The following VAV2 variants were observed in gnomAD, a reference collection of about 807,000 sequenced individuals.
VAV2 encodes the protein guanine nucleotide exchange factor VAV2.
In VAV2, 67 loss-of-function variants were observed where a neutral mutation model predicts 132.5. The observed-to-expected ratio is 0.51, with a 90% CI of 0.42 to 0.62. The LOEUF (loss-of-function observed/expected upper bound fraction) is 0.62. Among genes scored for constraint, VAV2 ranks in the 20% least tolerant of loss-of-function variants. VAV2 has a pLI of 0.00. For synonymous variants in VAV2, 492 were observed against 443.5 expected (o/e 1.11, Z -1.37); for missense variants, 938 against 1,153.6 (o/e 0.81, Z 2.71).
At chr9:133,861,178 G>T in intron 3 of VAV2, 196 bp downstream of exon 3, 2 of 512,626 alleles carry the variant, frequency 3.9e-6, no homozygotes, top group Admixed American at 3.9e-5. Flanking sequence ...AGATTTCCCC[G>T]GTGTGAGCTG....
At position 133,991,517 on chromosome 9, in the gene VAV2, G is replaced by C. The variant is rs1330778934; in HGVS notation, c.204+558C>G. ...CTGGCGCCAAGTGGCCCGGGTCCGG[G>C]TCCGGGAAGAGGCGGAGGCCGGCGA... On this transcript the variant is annotated intron_variant, in intron 1 of 29. Coordinates refer to ENST00000371850, the MANE Select transcript of VAV2 (RefSeq NM_001134398.2). The surrounding 1 kb of genome is among the most constrained non-coding windows in gnomAD (Gnocchi z 4.8). Among the ~76,000 whole-genome samples the C allele has an allele frequency of 2.0e-5, 3 of 151,814 alleles. No individual in the cohort carries two copies. The highest frequency in any genetic ancestry group is 4.4e-5 in the Non-Finnish European group (3 of 67,874).
At chr9:133,797,912 C>A in intron 9 of VAV2, 103 bp from the exon 10 acceptor site, 3 of 959,426 alleles carry the variant, frequency 3.1e-6, no homozygotes, top group Non-Finnish European at 4.6e-6. Flanking sequence ...GGTGCGCAAC[C>A]AACAGGCCCC....
chr9:133,986,993 T>C (rs1436751641), intron 1 of VAV2, among the ~76,000 whole-genome samples: 5 of 150,216 alleles, frequency 3.3e-5, no homozygotes, highest in Non-Finnish European at 5.9e-5. Context: ...CAGGGTTTTA[T>C]TATTATTATA....
chr9:133,918,771 T>G lies in VAV2; in HGVS notation c.321+20332A>C, dbSNP rs144201763. On this transcript the variant is annotated intron_variant, in intron 2 of 29. Coordinates refer to ENST00000371850, the MANE Select transcript of VAV2 (RefSeq NM_001134398.2). The surrounding 1 kb of genome is among the most constrained non-coding windows in gnomAD (Gnocchi z 4.7). Reference sequence around the variant, plus strand: ...GCAGCCGCCATGTGTGTGTGTGTGTTTGTTTGTTTGTTTGTTTGTTTTGAG... The same window carrying G: ...GCAGCCGCCATGTGTGTGTGTGTGTGTGTTTGTTTGTTTGTTTGTTTTGAG... Among the ~76,000 whole-genome samples, 35 of 144,814 alleles carry G rather than the reference T, an allele frequency of 2.4e-4. No homozygotes were observed. In the East Asian group the frequency reaches 2.6e-3, roughly 11 times the overall value.
chr9:133,838,945 GGGGTGGGTGGGTAGGT>G (rs1836601331), intron 3 of VAV2, among the ~76,000 whole-genome samples: 1 of 131,426 alleles, frequency 7.6e-6, no homozygotes, highest in South Asian at 2.7e-4. Context: ...ATGGATGGAT[GGGGTGGGTGGGTAGGT>G]GGGTGGGTGG....
chr9:133,816,517 A>G (rs1368287308), intron 4 of VAV2, among the ~76,000 whole-genome samples: 2 of 152,204 alleles, frequency 1.3e-5, no homozygotes, highest in African/African-American at 4.8e-5. Flanking sequence ...ATGAAGTAGC[A>G]GGGTTCACTT....
At chr9:133,953,313 C>A (rs952895280) in intron 1 of VAV2, among the ~76,000 whole-genome samples, 28 of 152,218 alleles carry the variant, frequency 1.8e-4, no homozygotes, top group African/African-American at 5.5e-4. Flanking sequence ...CCCCCCAAGC[C>A]CACCACAACA....
intron 1 of VAV2, among the ~76,000 whole-genome samples, chr9:133,979,364 T>G (rs919491923): frequency 5.3e-5 from 8 of 152,088 alleles, no homozygotes; most frequent in African/African-American, 1.4e-4. Context: ...CTCAACGCTG[T>G]GTGTGCGGTC....
chr9:133,828,911 C>A (rs1376158237), intron 4 of VAV2, among the ~76,000 whole-genome samples: 2 of 152,236 alleles, frequency 1.3e-5, no homozygotes, highest in African/African-American at 2.4e-5. Context: ...GGTGCTGAGG[C>A]CCAGCTGTCA....
chr9:133,822,905 T>A (rs2131737373), intron 4 of VAV2, among the ~76,000 whole-genome samples: 1 of 152,318 alleles, frequency 6.6e-6, no homozygotes, highest in Admixed American at 6.5e-5. Context: ...TGAGGCATGC[T>A]GTGTGACCTC....
chr9:133,787,148 C>G lies in VAV2; in HGVS notation c.1422+98G>C. The G allele has an allele frequency of 4.5e-6, 6 of 1,340,602 alleles. No homozygotes were observed. The South Asian group carries it at 6.1e-5, about 14-fold the overall frequency. 83.0% of individuals were successfully genotyped at this position (1,340,602 alleles called of 1,614,324 possible). A position where few individuals can be genotyped will look rare whatever the true frequency, so the allele number is the denominator to read the frequency against. The stretch of plus-strand genomic sequence containing the variant: ...AGGACCAAGAAAACCCTGAGCCCAG[C>G]CCCTCAGGCCCCTGGGTCCCCTGGC... On this transcript the variant is annotated intron_variant, in intron 16 of 29. Coordinates refer to ENST00000371850, the MANE Select transcript of VAV2 (RefSeq NM_001134398.2).
intron 2 of VAV2, among the ~76,000 whole-genome samples, chr9:133,876,186 A>C (rs930425739): frequency 6.6e-6 from 1 of 152,250 alleles, no homozygotes; most frequent in Non-Finnish European, 1.5e-5. Context: ...CGTGTGAGCC[A>C]GTCCCTGGTA....
Position 133,809,121 on chromosome 9 carries a change from T to G in VAV2, c.585A>C (p.Glu195Asp). 6.2e-7 allele frequency: 1 copy of G among 1,613,930 alleles called. No homozygotes were observed. The highest frequency in any genetic ancestry group is 8.5e-7 in the Non-Finnish European group (1 of 1,179,920). Residue 195 changes from glutamate to aspartate, a missense_variant, in exon 7 of 30, where the codon GAA becomes GAC. Transcript: ENST00000371850. ...GCAGGCAGCAGTTCCTCTTGTCATC[T>G]TCAGTCATGCCCATTTTCTAGAGGA... ...IRYMQKMGMT[E>D]DDKRNCCLLE... is the part of the protein sequence containing the mutation.
At chr9:133,984,861 T>C (rs1490204991) in intron 1 of VAV2, among the ~76,000 whole-genome samples, 1 of 151,742 alleles carries the variant, frequency 6.6e-6, no homozygotes, top group African/African-American at 2.4e-5. Flanking sequence ...TGAGCCAAGA[T>C]TGTGCCACTG....
chr9:133,778,873 G>T lies in VAV2; in HGVS notation c.1779C>A (p.Ala593=), dbSNP rs1833908262. 1 of 1,612,278 alleles carries T rather than the reference G, an allele frequency of 6.2e-7. No individual in the cohort carries two copies. The highest frequency in any genetic ancestry group is 8.5e-7 in the Non-Finnish European group (1 of 1,179,718). The change falls in exon 22 of 30, where the codon GCC becomes GCA. Residue 593 remains alanine (A), a synonymous_variant. Transcript: ENST00000371850. ...CTGGGTTGCCATGGTAATTCTGCAT[G>T]GCCACCATCTTGGGACCTGCAAAGG... ...SGAGPGPKMV[A]MQNYHGNPAP...
intron 9 of VAV2, 100 bp from the exon 10 acceptor site, chr9:133,797,909 A>G: frequency 9.6e-7 from 1 of 1,037,828 alleles, no homozygotes; most frequent in South Asian, 1.5e-5. Context: ...GTAGGTGCGC[A>G]ACCAACAGGC....
rs886903290 is a variant in VAV2 at position 133,824,826 on chromosome 9, C to G, written c.449+9446G>C. Among the ~76,000 whole-genome samples, 2 of 152,216 alleles carry G rather than the reference C, an allele frequency of 1.3e-5. No homozygotes were observed. The highest frequency in any genetic ancestry group is 2.9e-5 in the Non-Finnish European group (2 of 68,036). On this transcript the variant is annotated intron_variant, in intron 4 of 29. Transcript: ENST00000371850. This position sits in a 1 kb window ranked among gnomAD's most constrained non-coding sequence, Gnocchi z 5.2. ...CCCCCTAGTTCTGTACGACTCTGAC[C>G]AGGTGCCTTCCTCTCTCAGAGCCCC...
rs891406311 is a variant in VAV2, at chr9:133,885,340, C to G, written c.322-23908G>C. Among the ~76,000 whole-genome samples the G allele has an allele frequency of 2.6e-5, 4 of 152,228 alleles. No individual in the cohort carries two copies. The highest frequency in any genetic ancestry group is 9.7e-5 in the African/African-American group (4 of 41,450). Reference sequence around the variant, plus strand: ...ACTGTCTGCCTCTGCTTCTTCCCCACAAGTTCAAGGTCGGTGTACTCAGGC... The same window carrying G: ...ACTGTCTGCCTCTGCTTCTTCCCCAGAAGTTCAAGGTCGGTGTACTCAGGC... On this transcript the variant is annotated intron_variant, in intron 2 of 29. Coordinates refer to ENST00000371850, the MANE Select transcript of VAV2 (RefSeq NM_001134398.2). The surrounding 1 kb of genome is among the most constrained non-coding windows in gnomAD (Gnocchi z 5.0).
chr9:133,939,778 G>A (rs1207713041), intron 1 of VAV2, among the ~76,000 whole-genome samples: 1 of 152,248 alleles, frequency 6.6e-6, no homozygotes, highest in East Asian at 1.9e-4. Flanking sequence ...CTAATCACGG[G>A]TGACAAAGCC....
Sources: gnomAD v4.1 joint callset for allele counts (sites outside exome capture counted in the v4.1 genomes callset) on GRCh38, gnomAD v4.1.1 for gene constraint, Gnocchi (gnomAD v3.1) non-coding constraint, MANE v1.5 for transcripts, NCBI Gene and HGNC (gene_info 2026-07-23, HGNC 2026-07-21) for gene names.